CD99L2: variants seen among roughly 807,000 people sequenced by gnomAD.
CD99L2 encodes CD99 antigen-like protein 2.
CD99L2 carries 24 observed loss-of-function variants against 27.3 expected under a neutral mutation model. The observed-to-expected ratio is 0.88, with a 90% CI of 0.64 to 1.24. The LOEUF is 1.24. CD99L2 is among the 50% of genes most tolerant of loss of function. CD99L2 has a pLI of 0.00. For synonymous variants in CD99L2, 97 were observed against 87.9 expected, an observed-to-expected ratio of 1.10 and a Z score of -0.58; for missense variants, 255 against 221.6, an observed-to-expected ratio of 1.15 and a Z score of -0.96.
At position 150,873,395 on chromosome X, in the gene CD99L2, G is replaced by GC. The variant is rs782430605; in HGVS notation, c.67+25126dup. Reference sequence around the variant, plus strand: ...ACAGACTAGAAGTAAATTCGTGGTTGCCCAGGGTTGTGAGGTGGGACAAAT... The same window carrying GC: ...ACAGACTAGAAGTAAATTCGTGGTTGCCCCAGGGTTGTGAGGTGGGACAAAT... On this transcript the variant is annotated intron_variant, in intron 1 of 10. Coordinates refer to ENST00000370377, the MANE Select transcript of CD99L2 (RefSeq NM_031462.4). Among the ~76,000 whole-genome samples, 567 of 111,888 alleles carry GC rather than the reference G, an allele frequency of 5.1e-3. 7 individuals carry two copies. Among genetic ancestry groups the GC allele is most frequent in the Middle Eastern group, 9.3e-3 (2 of 215 alleles).
chrX:150,778,683 A>ATATATAT (rs1557419363), intron 7 of CD99L2, among the ~76,000 whole-genome samples: 465 of 27,067 alleles, frequency 0.017, 5 homozygotes, highest in African/African-American at 0.035. Context: ...TAAAAAAAAA[A>ATATATAT]AAATATATAT....
intron 1 of CD99L2, among the ~76,000 whole-genome samples, chrX:150,896,640 T>C (rs1351930162): frequency 8.9e-6 from 1 of 112,189 alleles, no homozygotes; most frequent in Non-Finnish European, 1.9e-5. Flanking sequence ...GCTGTAGATC[T>C]AAGCCTGGTC....
intron 3 of CD99L2, among the ~76,000 whole-genome samples, chrX:150,815,244 G>T (rs1401778931): frequency 8.9e-6 from 1 of 111,940 alleles, no homozygotes; most frequent in Non-Finnish European, 1.9e-5. Context: ...CTGACTGTAG[G>T]TATTAACCCA....
At chrX:150,879,086 AT>A (rs2047280329) in intron 1 of CD99L2, among the ~76,000 whole-genome samples, 1 of 111,781 alleles carries the variant, frequency 8.9e-6, no homozygotes, top group Admixed American at 9.5e-5. Flanking sequence ...GGTATCAATG[AT>A]TTGGGACCTG....
intron 6 of CD99L2, among the ~76,000 whole-genome samples, chrX:150,794,568 G>C (rs149630183): frequency 1.2e-4 from 14 of 112,588 alleles, no homozygotes; most frequent in East Asian, 5.6e-4. Context: ...ACCAAGTGTG[G>C]AAAGTTCACT....
At chrX:150,833,546 T>C (rs189877072) in intron 1 of CD99L2, among the ~76,000 whole-genome samples, 1 of 111,992 alleles carries the variant, frequency 8.9e-6, no homozygotes, top group Admixed American at 9.5e-5. Flanking sequence ...CACTTCTTGA[T>C]TTCAAAATAT....
At chrX:150,838,350 A>G (rs1557421266) in intron 1 of CD99L2, among the ~76,000 whole-genome samples, 1 of 111,807 alleles carries the variant, frequency 8.9e-6, no homozygotes, top group Non-Finnish European at 1.9e-5. Context: ...AAATCTGAAT[A>G]AAGTATAGAC....
chrX:150,833,875 T>C (rs1359078473), intron 1 of CD99L2, among the ~76,000 whole-genome samples: 1 of 111,897 alleles, frequency 8.9e-6, no homozygotes, highest in Non-Finnish European at 1.9e-5. Context: ...TGGGCAACCA[T>C]TTCCTAGATA....
intron 1 of CD99L2, among the ~76,000 whole-genome samples, chrX:150,831,898 T>G (rs782491127): frequency 2.2e-4 from 25 of 111,777 alleles, no homozygotes; most frequent in Non-Finnish European, 3.4e-4. Flanking sequence ...CCTAAATATA[T>G]AGAGCAAATA....
chrX:150,805,174 C>T lies in CD99L2; in HGVS notation c.277+9688G>A, dbSNP rs1557420201. On this transcript the variant is annotated intron_variant, in intron 4 of 10. Transcript: ENST00000370377. Reference sequence around the variant, plus strand: ...TTGCACTCCAGCCTGGGCAACAGAGCGAGACTCCGACTCAAAACAAACAAA... The same window carrying T: ...TTGCACTCCAGCCTGGGCAACAGAGTGAGACTCCGACTCAAAACAAACAAA... 4.5e-5 allele frequency among the ~76,000 whole-genome samples: 5 copies of T among 110,899 alleles called. No homozygotes were observed. In the South Asian group the frequency reaches 1.5e-3, roughly 33 times the overall value.
intron 4 of CD99L2, among the ~76,000 whole-genome samples, chrX:150,806,445 G>A (rs1323667247): frequency 1.8e-5 from 2 of 111,520 alleles, no homozygotes; most frequent in Admixed American, 9.5e-5. Flanking sequence ...CTGTAGAGAC[G>A]GGGTCTTGCT....
chrX:150,767,519 G>C lies in CD99L2; in HGVS notation c.*1515C>G, dbSNP rs1213836218. On this transcript the variant is annotated 3_prime_UTR_variant, in exon 11 of 11. Transcript: ENST00000370377. The stretch of plus-strand genomic sequence containing the variant: ...CCTTGAGACGCACAGGGCTACAACT[G>C]ACCACCCTCCACCACAGGCATGTTT... The C allele has an allele frequency of 9.0e-5, 10 of 111,721 alleles. No individual in the cohort carries two copies. In the Admixed American group the frequency reaches 9.5e-4, roughly 11 times the overall value. 9.2% of individuals were successfully genotyped at this position (111,721 alleles called of 1,213,427 possible).
intron 1 of CD99L2, among the ~76,000 whole-genome samples, chrX:150,874,339 T>C (rs1038579478): frequency 1.7e-4 from 19 of 111,957 alleles, no homozygotes; most frequent in African/African-American, 6.2e-4. Context: ...AGTGGTTTAG[T>C]AGCCCATCAT....
At chrX:150,858,133 G>A (rs1318568218) in intron 1 of CD99L2, among the ~76,000 whole-genome samples, 1 of 112,249 alleles carries the variant, frequency 8.9e-6, no homozygotes, top group Non-Finnish European at 1.9e-5. Flanking sequence ...TAATGATAAA[G>A]GGATTAATTC....
intron 4 of CD99L2, among the ~76,000 whole-genome samples, chrX:150,803,010 C>T (rs1261544012): frequency 9.7e-6 from 1 of 103,175 alleles, no homozygotes; most frequent in African/African-American, 3.5e-5. Context: ...ATTCTCCTGC[C>T]TCAGCCTCCT....
chrX:150,785,391 T>C (rs1390839703), intron 7 of CD99L2, among the ~76,000 whole-genome samples: 1 of 111,998 alleles, frequency 8.9e-6, no homozygotes, highest in Non-Finnish European at 1.9e-5. Context: ...ACGTCTGCCA[T>C]CCCTCTTGTC....
chrX:150,868,427 T>C lies in CD99L2; in HGVS notation c.67+30095A>G, dbSNP rs563359220. 1.2e-4 allele frequency among the ~76,000 whole-genome samples: 13 copies of C among 111,459 alleles called. No homozygotes were observed. The East Asian group carries it at 3.7e-3, about 31-fold the overall frequency. ...CCTGTAATCCCAGCTACTCGGGAGG[T>C]TGAAGCAGAAGAATCGCTTAGCCTG... On this transcript the variant is annotated intron_variant, in intron 1 of 10. Transcript: ENST00000370377.
intron 1 of CD99L2, among the ~76,000 whole-genome samples, chrX:150,859,208 TAA>T (rs1308050152): frequency 9.0e-6 from 1 of 111,568 alleles, no homozygotes; most frequent in Non-Finnish European, 1.9e-5. Context: ...AAATCAATAA[TAA>T]AAAGTCTCAG....
At chrX:150,835,363 T>A (rs2046511030) in intron 1 of CD99L2, among the ~76,000 whole-genome samples, 1 of 111,718 alleles carries the variant, frequency 9.0e-6, no homozygotes, top group African/African-American at 3.3e-5. Flanking sequence ...TAAAAATAAA[T>A]GTTAAAAATT....
Sources: allele counts gnomAD v4.1 joint callset (sites outside exome capture counted in the v4.1 genomes callset), GRCh38; gene constraint gnomAD v4.1.1; transcripts MANE v1.5; gene names NCBI Gene and HGNC (gene_info 2026-07-23, HGNC 2026-07-21).